Variants in GRM7 observed in about 807,000 individuals in gnomAD.
GRM7 encodes the protein metabotropic glutamate receptor 7.
Under a neutral mutation model 84.5 loss-of-function variants are expected in GRM7, and 35 were observed. The ratio of observed to expected loss-of-function variants is 0.41; its 90% CI spans 0.32 to 0.55. The LOEUF is 0.55. Among genes scored for constraint, GRM7 ranks in the 20% least tolerant of loss-of-function variants. GRM7 has a pLI of 0.19. For synonymous variants in GRM7, 487 were observed against 455.1 expected, an observed-to-expected ratio of 1.07 and a Z score of -0.89; for missense variants, 1,003 against 1,194.6, an observed-to-expected ratio of 0.84 and a Z score of 2.36.
In GRM7 at chr3:6,861,700, G is replaced by T. The variant is rs1392652247; in HGVS notation, c.312G>T (p.Arg104=). 6.2e-7 allele frequency: 1 copy of T among 1,614,054 alleles called. No individual in the cohort carries two copies. The highest frequency in any genetic ancestry group is 1.3e-5 in the African/African-American group (1 of 74,944). Residue 104 remains arginine (R), a synonymous_variant, in exon 1 of 10, where the codon CGG becomes CGT. Coordinates refer to ENST00000357716, the MANE Select transcript of GRM7 (RefSeq NM_000844.4). This position sits in a 1 kb window ranked among gnomAD's most constrained non-coding sequence, Gnocchi z 6.4. ...TGCCCAACGTGACGCTGGGCGCGCG[G>T]ATCCTGGACACTTGTTCCAGGGACA... is the stretch of plus-strand genomic sequence containing the variant. ...NLLPNVTLGA[R]ILDTCSRDTY... is the part of the protein sequence containing the mutation.
chr3:7,106,939 C>A (rs1192694286), intron 1 of GRM7, among the ~76,000 whole-genome samples: 2 of 151,970 alleles, frequency 1.3e-5, no homozygotes, highest in Non-Finnish European at 2.9e-5. Flanking sequence ...GTATTGAGTG[C>A]ATAGTGCTGT....
At chr3:7,128,842 A>G (rs1490091469) in intron 1 of GRM7, among the ~76,000 whole-genome samples, 1 of 152,040 alleles carries the variant, frequency 6.6e-6, no homozygotes, top group Admixed American at 6.6e-5. Context: ...GAGCAGGTTA[A>G]GGGAGCTATC....
At chr3:7,412,662 A>G (rs1301184607) in intron 4 of GRM7, among the ~76,000 whole-genome samples, 1 of 152,192 alleles carries the variant, frequency 6.6e-6, no homozygotes, top group Non-Finnish European at 1.5e-5. Flanking sequence ...TTTGCTTTCA[A>G]GATTACAGGA....
intron 4 of GRM7, among the ~76,000 whole-genome samples, chr3:7,329,223 T>G (rs897720883): frequency 2.0e-5 from 3 of 152,176 alleles, no homozygotes; most frequent in African/African-American, 4.8e-5. Context: ...ACTTCACTAC[T>G]GCTTCCAGGA....
intron 9 of GRM7, among the ~76,000 whole-genome samples, chr3:7,708,616 A>G (rs1701477318): frequency 6.6e-6 from 1 of 152,152 alleles, no homozygotes; most frequent in Admixed American, 6.5e-5. Context: ...GAGCGAGCCT[A>G]AACTTTCATT....
At chr3:7,332,702 G>A (rs1701254354) in intron 4 of GRM7, among the ~76,000 whole-genome samples, 1 of 152,068 alleles carries the variant, frequency 6.6e-6, no homozygotes, top group Non-Finnish European at 1.5e-5. Context: ...CAAGAACCAC[G>A]ACAGGAACAT....
intron 1 of GRM7, among the ~76,000 whole-genome samples, chr3:6,984,586 C>G (rs6801970): frequency 0.22 from 33,663 of 151,874 alleles, 4,056 homozygotes; most frequent in Non-Finnish European, 0.28. Context: ...CTTTTTTTCT[C>G]TACCCTGTGA....
rs536178102 is a variant in GRM7, at chr3:7,499,814, G to T, written c.1515+38092G>T. On this transcript the variant is annotated intron_variant, in intron 7 of 9. Coordinates refer to ENST00000357716, the MANE Select transcript of GRM7 (RefSeq NM_000844.4). ...TTTTGAGATGGAGTCTTGCTCTGTC[G>T]CCCAGGCTGGAGTGCAGTGTTTCAA... is the stretch of plus-strand genomic sequence containing the variant. Among the ~76,000 whole-genome samples the T allele has an allele frequency of 1.2e-4, 17 of 147,092 alleles. No individual in the cohort carries two copies. In the East Asian group the frequency reaches 2.8e-3, roughly 24 times the overall value.
At chr3:7,115,660 T>C (rs17824878) in intron 1 of GRM7, among the ~76,000 whole-genome samples, 28,281 of 152,066 alleles carry the variant, frequency 0.19, 2,688 homozygotes, top group Middle Eastern at 0.31. Flanking sequence ...TCAGGACAGG[T>C]AGCTGTAATG....
intron 1 of GRM7, among the ~76,000 whole-genome samples, chr3:6,927,531 G>T (rs1697356718): frequency 6.6e-6 from 1 of 150,828 alleles, no homozygotes; most frequent in African/African-American, 2.4e-5. Flanking sequence ...AGAAAAGAAA[G>T]AAAGAAATCT....
chr3:6,995,900 G>C (rs767956914), intron 1 of GRM7, among the ~76,000 whole-genome samples: 7 of 151,972 alleles, frequency 4.6e-5, no homozygotes, highest in Admixed American at 6.6e-5. Flanking sequence ...AATTATAGAG[G>C]TTTAAAAAGA....
intron 5 of GRM7, among the ~76,000 whole-genome samples, chr3:7,424,778 A>G (rs1038849721): frequency 6.6e-6 from 1 of 152,210 alleles, no homozygotes; most frequent in Non-Finnish European, 1.5e-5. Context: ...GGAGGCAGAA[A>G]GAAAACCAAA....
At chr3:7,330,348 G>A (rs1217788802) in intron 4 of GRM7, among the ~76,000 whole-genome samples, 1 of 152,102 alleles carries the variant, frequency 6.6e-6, no homozygotes, top group East Asian at 1.9e-4. Context: ...TTTCTGTGTT[G>A]ATTTACAGGG....
At chr3:7,279,304 C>T (rs1442063833) in intron 2 of GRM7, among the ~76,000 whole-genome samples, 2 of 151,616 alleles carry the variant, frequency 1.3e-5, no homozygotes, top group Non-Finnish European at 2.9e-5. Flanking sequence ...TTTGGCATGA[C>T]AGTACTCCTC....
At chr3:7,703,206 A>G (rs1413113798) in intron 9 of GRM7, among the ~76,000 whole-genome samples, 1 of 152,202 alleles carries the variant, frequency 6.6e-6, no homozygotes, top group African/African-American at 2.4e-5. Context: ...TCTTAGGACC[A>G]GAAGCATCGG....
At chr3:7,269,287 G>A (rs1446142009) in intron 2 of GRM7, among the ~76,000 whole-genome samples, 1 of 152,154 alleles carries the variant, frequency 6.6e-6, no homozygotes, top group African/African-American at 2.4e-5. Context: ...AGCCAAAGTG[G>A]TCACTCTCTT....
intron 2 of GRM7, among the ~76,000 whole-genome samples, chr3:7,210,594 T>A (rs1696389005): frequency 6.6e-6 from 1 of 152,076 alleles, no homozygotes; most frequent in Non-Finnish European, 1.5e-5. Flanking sequence ...TAATTTAAGA[T>A]CCTGCACCCT....
At position 7,279,731 on chromosome 3, in the gene GRM7, G is replaced by A. The variant is rs148300452; in HGVS notation, c.737-18953G>A. ...AGACACAGCTGAACTCTGTTTCTAT[G>A]CATTACATGCTCTTCAAGGACTCAT... is the stretch of plus-strand genomic sequence containing the variant. On this transcript the variant is annotated intron_variant, in intron 2 of 9. Transcript: ENST00000357716. Among the ~76,000 whole-genome samples the A allele has an allele frequency of 2.2e-3, 328 of 152,280 alleles. 1 individual carries two copies. Among genetic ancestry groups the A allele is most frequent in the South Asian group, 0.012 (60 of 4,826 alleles).
chr3:7,011,222 C>T (rs537928919), intron 1 of GRM7, among the ~76,000 whole-genome samples: 1 of 152,152 alleles, frequency 6.6e-6, no homozygotes, highest in East Asian at 1.9e-4. Context: ...CAGAATGGTA[C>T]CTGGCACATA....
Sources: allele counts gnomAD v4.1 joint callset (sites outside exome capture counted in the v4.1 genomes callset), GRCh38; gene constraint gnomAD v4.1.1; non-coding constraint Gnocchi (gnomAD v3.1); transcripts MANE v1.5; gene names NCBI Gene and HGNC (gene_info 2026-07-23, HGNC 2026-07-21).